Variants in MEF2A observed in about 807,000 individuals in gnomAD.
MEF2A encodes the protein myocyte-specific enhancer factor 2A.
MEF2A carries 28 observed loss-of-function variants against 55.8 expected under a neutral mutation model. The observed-to-expected ratio is 0.50, with a 90% CI of 0.37 to 0.69. MEF2A has a LOEUF of 0.69. Ranked by LOEUF, MEF2A falls within the 30% of genes least tolerant of loss-of-function variation. The pLI is 0.00. For synonymous variants in MEF2A, 239 were observed against 227.1 expected (o/e 1.05, Z -0.47); for missense variants, 528 against 626.2 (o/e 0.84, Z 1.67).
chr15:99,597,349 T>G (rs911501878), intron 1 of MEF2A, among the ~76,000 whole-genome samples: 1 of 152,014 alleles, frequency 6.6e-6, no homozygotes, highest in Admixed American at 6.6e-5. Context: ...GACTCCAGTC[T>G]CCCATAGCGC....
At chr15:99,706,108 C>T (rs1385919599) in intron 9 of MEF2A, among the ~76,000 whole-genome samples, 2 of 152,146 alleles carry the variant, frequency 1.3e-5, no homozygotes, top group African/African-American at 2.4e-5. Context: ...ACTGCCCTGT[C>T]GGCAGTACTT....
At chr15:99,626,484 A>C (rs770950514) in intron 2 of MEF2A, among the ~76,000 whole-genome samples, 2 of 151,510 alleles carry the variant, frequency 1.3e-5, no homozygotes, top group African/African-American at 2.4e-5. Context: ...TCTGCTCTCA[A>C]ATTTGTTATT....
intron 7 of MEF2A, among the ~76,000 whole-genome samples, chr15:99,682,386 C>T (rs2053406892): frequency 6.6e-6 from 1 of 152,140 alleles, no homozygotes; most frequent in Admixed American, 6.5e-5. Context: ...ATTTTAACAA[C>T]ATTAAATTGG....
In MEF2A at chr15:99,629,161, G is replaced by A. The variant is rs562249500; in HGVS notation, c.-142-3817G>A. On this transcript the variant is annotated intron_variant, in intron 2 of 11. Coordinates refer to ENST00000557942, the MANE Select transcript of MEF2A (RefSeq NM_001319206.4). ...TTAAGATCTCTCTGGCTGGCTGAACGCGGTGGCTCATGCCTGTAATCCCAA... is the reference window on the plus strand; with the variant it reads ...TTAAGATCTCTCTGGCTGGCTGAACACGGTGGCTCATGCCTGTAATCCCAA... Among the ~76,000 whole-genome samples the A allele has an allele frequency of 1.2e-4, 19 of 152,182 alleles. No homozygotes were observed. The South Asian group carries it at 3.3e-3, about 27-fold the overall frequency.
intron 2 of MEF2A, among the ~76,000 whole-genome samples, chr15:99,619,609 G>C (rs1447568002): frequency 4.6e-5 from 7 of 152,276 alleles, no homozygotes; most frequent in Non-Finnish European, 1.0e-4. Flanking sequence ...TTTGTTTTCA[G>C]ATCATAAATA....
intron 1 of MEF2A, among the ~76,000 whole-genome samples, chr15:99,575,899 G>C (rs1307024209): frequency 2.6e-5 from 4 of 152,182 alleles, no homozygotes; most frequent in Middle Eastern, 3.4e-3. Context: ...TATTCATTTT[G>C]ATGTTCCAAA....
At chr15:99,635,080 A>G (rs1346501293) in intron 3 of MEF2A, among the ~76,000 whole-genome samples, 5 of 152,270 alleles carry the variant, frequency 3.3e-5, no homozygotes, top group East Asian at 1.9e-4. Flanking sequence ...GATATATACT[A>G]TATCCCAAGA....
At chr15:99,682,767 C>T (rs2053477599) in intron 7 of MEF2A, among the ~76,000 whole-genome samples, 1 of 152,112 alleles carries the variant, frequency 6.6e-6, no homozygotes, top group Non-Finnish European at 1.5e-5. Context: ...TCTAAAGCAC[C>T]ATAGACTGCA....
chr15:99,703,448 G>T (rs988557818), intron 9 of MEF2A, 63 bp downstream of exon 9: 2 of 1,524,868 alleles, frequency 1.3e-6, no homozygotes, highest in African/African-American at 1.4e-5. Flanking sequence ...ATTCTCTTAC[G>T]TGTTGTTATC....
intron 2 of MEF2A, among the ~76,000 whole-genome samples, chr15:99,603,430 T>G (rs1973994501): frequency 6.6e-6 from 1 of 151,660 alleles, no homozygotes; most frequent in Non-Finnish European, 1.5e-5. Context: ...TGGAGTGCAG[T>G]GGCGTGATCT....
At position 99,574,474 on chromosome 15, in the gene MEF2A, G is replaced by T. The variant is rs144832434; in HGVS notation, c.-225+8370G>T. 2.9e-3 allele frequency among the ~76,000 whole-genome samples: 448 copies of T among 152,254 alleles called. 3 individuals are homozygous for T. The highest frequency in any genetic ancestry group is 0.01 in the African/African-American group (428 of 41,532). On this transcript the variant is annotated intron_variant, in intron 1 of 11. Coordinates refer to ENST00000557942, the MANE Select transcript of MEF2A (RefSeq NM_001319206.4). ...ACTCACCATAATGTAGAATCAGTGG[G>T]AGCCCAGAGCTTGTTTTCCTGCTAC...
chr15:99,625,832 C>T (rs1295249616), intron 2 of MEF2A, among the ~76,000 whole-genome samples: 1 of 151,986 alleles, frequency 6.6e-6, no homozygotes, highest in African/African-American at 2.4e-5. Context: ...CACTTGATCA[C>T]CATTATAATC....
chr15:99,587,095 A>T (rs1967574271), intron 1 of MEF2A, among the ~76,000 whole-genome samples: 1 of 151,962 alleles, frequency 6.6e-6, no homozygotes, highest in Admixed American at 6.6e-5. Flanking sequence ...TCTGGGGTAC[A>T]TGTGCAGAAC....
rs577528426 is a variant in MEF2A at position 99,585,715 on chromosome 15, C to T, written c.-224-12715C>T. Among the ~76,000 whole-genome samples the T allele has an allele frequency of 7.9e-4, 121 of 152,286 alleles. 2 individuals carry two copies. Among genetic ancestry groups the T allele is most frequent in the South Asian group, 4.8e-3 (23 of 4,824 alleles). ...ACATTACATGCTTACTTAATTCTCA[C>T]AACTGAACTTACGAGGTATAGATAT... On this transcript the variant is annotated intron_variant, in intron 1 of 11. Transcript: ENST00000557942.
chr15:99,687,454 G>A (rs1597157304), intron 7 of MEF2A, among the ~76,000 whole-genome samples: 2 of 152,224 alleles, frequency 1.3e-5, no homozygotes, highest in Admixed American at 1.3e-4. Context: ...AGAATGAAAG[G>A]AGCAGAACAA....
In MEF2A at chr15:99,712,338, T is replaced by G; in HGVS notation, c.1137-52T>G. ...CAGTGTCTCTACTGTATCATCCCAG[T>G]TTTGCAGAGGTACTTGCAAGCCATC... On this transcript the variant is annotated intron_variant, in intron 11 of 11. Transcript: ENST00000557942. This position sits in a 1 kb window ranked among gnomAD's most constrained non-coding sequence, Gnocchi z 4.1. 2.0e-6 allele frequency: 3 copies of G among 1,480,080 alleles called. No individual in the cohort carries two copies. Among genetic ancestry groups the G allele is most frequent in the Non-Finnish European group, 1.8e-6 (2 of 1,111,340 alleles). The allele number at this position is 1,480,080 out of a possible 1,614,324, so 91.7% of individuals were successfully genotyped here.
At chr15:99,646,569 G>A (rs1156574725) in intron 4 of MEF2A, among the ~76,000 whole-genome samples, 1 of 152,072 alleles carries the variant, frequency 6.6e-6, no homozygotes, top group African/African-American at 2.4e-5. Context: ...TAATAGAAAA[G>A]TATTAGGCAT....
intron 10 of MEF2A, 62 bp from the exon 11 acceptor site, chr15:99,710,572 T>TA: frequency 6.4e-7 from 1 of 1,570,566 alleles, no homozygotes; most frequent in Non-Finnish European, 8.7e-7. Flanking sequence ...AGTAGCTACG[T>TA]AAAAAATAGA....
chr15:99,606,420 T>C (rs1975144416), intron 2 of MEF2A, among the ~76,000 whole-genome samples: 1 of 152,154 alleles, frequency 6.6e-6, no homozygotes, highest in Non-Finnish European at 1.5e-5. Flanking sequence ...AATTTTGTTC[T>C]TGCAAAGTCA....
Sources: allele counts gnomAD v4.1 joint callset (sites outside exome capture counted in the v4.1 genomes callset), GRCh38; gene constraint gnomAD v4.1.1; non-coding constraint Gnocchi (gnomAD v3.1); transcripts MANE v1.5; gene names NCBI Gene and HGNC (gene_info 2026-07-23, HGNC 2026-07-21).